Variants in GARRE1 observed in about 807,000 individuals in gnomAD.
The protein encoded by GARRE1 is granule associated Rac and RHOG effector 1.
Under a neutral mutation model 103.2 loss-of-function variants are expected in GARRE1, and 49 were observed. The observed-to-expected ratio is 0.47, with a 90% CI of 0.38 to 0.60. The LOEUF is 0.60. GARRE1 is among the 20% of genes least tolerant of loss of function. The pLI, the probability that GARRE1 is intolerant of heterozygous loss-of-function variation, is 0.00. For synonymous variants in GARRE1, 505 were observed against 532.8 expected, an observed-to-expected ratio of 0.95 and a Z score of 0.72; for missense variants, 1,199 against 1,370.5, an observed-to-expected ratio of 0.87 and a Z score of 1.98.
chr19:34,349,067 G>T lies in GARRE1; in HGVS notation c.2739G>T (p.Ser913=). ...WSGAQGDSAS[S]SDETSSANGD... Reference sequence around the variant, plus strand: ...GTGCTCAGGGAGACTCTGCCAGCTCGAGTGATGAGACATCCTCAGCCAACG... The same window carrying T: ...GTGCTCAGGGAGACTCTGCCAGCTCTAGTGATGAGACATCCTCAGCCAACG... The change falls in exon 12 of 14, where the codon TCG becomes TCT. Residue 913 remains serine (S), a synonymous_variant. Transcript: ENST00000299505. 3.7e-6 allele frequency: 6 copies of T among 1,612,732 alleles called. No individual in the cohort carries two copies. The highest frequency in any genetic ancestry group is 5.1e-6 in the Non-Finnish European group (6 of 1,180,022).
chr19:34,327,279 C>G, intron 3 of GARRE1, 142 bp from the exon 4 acceptor site: 1 of 741,818 alleles, frequency 1.3e-6, no homozygotes, highest in Non-Finnish European at 2.1e-6. Context: ...TACAAACAAT[C>G]TAGAACTTCT....
chr19:34,330,892 A>T (rs2074134737), intron 7 of GARRE1, among the ~76,000 whole-genome samples: 1 of 136,904 alleles, frequency 7.3e-6, no homozygotes, highest in Admixed American at 8.4e-5. Context: ...CCGCCACCAC[A>T]TCTGGCTAAT....
At chr19:34,321,991 G>A (rs894986341) in intron 3 of GARRE1, among the ~76,000 whole-genome samples, 10 of 152,132 alleles carry the variant, frequency 6.6e-5, no homozygotes, top group African/African-American at 2.4e-4. Flanking sequence ...ATGACTAAAT[G>A]GTGGGCTGCA....
At chr19:34,296,959 T>G (rs888529430) in intron 1 of GARRE1, among the ~76,000 whole-genome samples, 4 of 152,110 alleles carry the variant, frequency 2.6e-5, no homozygotes, top group African/African-American at 9.7e-5. Context: ...AAATGAATTT[T>G]GGGGTCAGCT....
intron 1 of GARRE1, among the ~76,000 whole-genome samples, chr19:34,268,433 A>T (rs927099818): frequency 1.3e-5 from 2 of 151,804 alleles, no homozygotes. Flanking sequence ...TTTGGCTCAC[A>T]GTGTTCCTGT....
intron 3 of GARRE1, among the ~76,000 whole-genome samples, chr19:34,323,912 A>T (rs1392423244): frequency 6.6e-6 from 1 of 151,694 alleles, no homozygotes; most frequent in East Asian, 1.9e-4. Flanking sequence ...CAGTGATGCC[A>T]CCCCCTACTA....
At chr19:34,327,606 C>T in intron 4 of GARRE1, 45 bp downstream of exon 4, 1 of 1,601,594 alleles carries the variant, frequency 6.2e-7, no homozygotes, top group Non-Finnish European at 8.5e-7. Flanking sequence ...GGGATAGAAA[C>T]AAGGGAGGGA....
intron 1 of GARRE1, among the ~76,000 whole-genome samples, chr19:34,280,496 T>C (rs2073845307): frequency 6.6e-6 from 1 of 152,206 alleles, no homozygotes. Flanking sequence ...TTATAAATAT[T>C]TTCATCTATG....
chr19:34,283,835 T>C (rs1016196480), intron 1 of GARRE1, among the ~76,000 whole-genome samples: 15 of 146,684 alleles, frequency 1.0e-4, no homozygotes, highest in South Asian at 4.4e-4. Context: ...TCTTTCTTTT[T>C]TTTTTTTTTT....
chr19:34,350,056 CTCAAAAA>C (rs1420238568), intron 12 of GARRE1, among the ~76,000 whole-genome samples: 1 of 152,168 alleles, frequency 6.6e-6, no homozygotes, highest in African/African-American at 2.4e-5. Context: ...TAGACCCTGT[CTCAAAAA>C]TCAAACAAAA....
chr19:34,266,666 T>A (rs1036858097), intron 1 of GARRE1, among the ~76,000 whole-genome samples: 2 of 152,102 alleles, frequency 1.3e-5, no homozygotes, highest in Non-Finnish European at 2.9e-5. Flanking sequence ...TTTTGAGGGA[T>A]GGGAAGGTTT....
At chr19:34,276,269 C>T (rs1208721441) in intron 1 of GARRE1, among the ~76,000 whole-genome samples, 1 of 152,178 alleles carries the variant, frequency 6.6e-6, no homozygotes, top group Admixed American at 6.6e-5. Context: ...TCTCATGCTC[C>T]TGACCTCAGG....
chr19:34,286,594 C>T (rs895191704), intron 1 of GARRE1, among the ~76,000 whole-genome samples: 51 of 150,628 alleles, frequency 3.4e-4, no homozygotes, highest in Admixed American at 1.3e-3. Context: ...GCAGTGGCAC[C>T]GGGATCACGC....
chr19:34,315,487 G>A (rs1226528535), intron 2 of GARRE1, among the ~76,000 whole-genome samples: 1 of 152,164 alleles, frequency 6.6e-6, no homozygotes, highest in Non-Finnish European at 1.5e-5. Context: ...CAAGGCGGGT[G>A]GATCATGAGA....
At chr19:34,289,515 A>T (rs2073905391) in intron 1 of GARRE1, among the ~76,000 whole-genome samples, 1 of 151,944 alleles carries the variant, frequency 6.6e-6, no homozygotes, top group African/African-American at 2.4e-5. Context: ...TCACAAGGTC[A>T]GAAGATCGAG....
chr19:34,317,505 C>T (rs115261082), intron 2 of GARRE1, among the ~76,000 whole-genome samples: 3,059 of 152,218 alleles, frequency 0.02, 93 homozygotes, highest in African/African-American at 0.068. Context: ...CCTGAGGAGC[C>T]GGCTCACTCC....
At chr19:34,290,942 T>A (rs1361958647) in intron 1 of GARRE1, among the ~76,000 whole-genome samples, 1 of 120,282 alleles carries the variant, frequency 8.3e-6, no homozygotes, top group African/African-American at 3.1e-5. Context: ...AGTCTCACTC[T>A]GTCACCCAGG....
chr19:34,336,132 A>G (rs1458347417), intron 8 of GARRE1, among the ~76,000 whole-genome samples: 3 of 152,098 alleles, frequency 2.0e-5, no homozygotes, highest in Non-Finnish European at 4.4e-5. Context: ...GCGGGACTAC[A>G]GGCATGTGCC....
intron 4 of GARRE1, 53 bp downstream of exon 4, chr19:34,327,614 G>T: frequency 6.3e-7 from 1 of 1,595,334 alleles, no homozygotes; most frequent in Non-Finnish European, 8.6e-7. Context: ...AACAAGGGAG[G>T]GAGTTAAAGT....
Sources: allele counts gnomAD v4.1 joint callset (sites outside exome capture counted in the v4.1 genomes callset), GRCh38; gene constraint gnomAD v4.1.1; transcripts MANE v1.5; gene names NCBI Gene and HGNC (gene_info 2026-07-23, HGNC 2026-07-21).